Variants in MTRES1 observed in about 807,000 individuals in gnomAD.
MTRES1 encodes the protein uncharacterized protein C6orf203.
In MTRES1, 11 loss-of-function variants were observed where a neutral mutation model predicts 17.4. That is an observed-to-expected ratio of 0.63 (90% confidence interval 0.40 to 1.05). The LOEUF (loss-of-function observed/expected upper bound fraction) is 1.05, where lower values mean the gene tolerates loss of function less well. MTRES1 is among the 50% of genes least tolerant of loss of function. MTRES1 has a pLI of 0.00. For missense variants in MTRES1, 268 were observed against 276.2 expected (o/e 0.97, Z 0.21); for synonymous variants, 94 against 99.6 (o/e 0.94, Z 0.34).
At chr6:107,033,746 A>C (rs973176248) in intron 1 of MTRES1, among the ~76,000 whole-genome samples, 6 of 152,122 alleles carry the variant, frequency 3.9e-5, no homozygotes, top group African/African-American at 1.4e-4. Flanking sequence ...GGAACCTGGG[A>C]GGCAGAGCTT....
intron 3 of MTRES1, among the ~76,000 whole-genome samples, chr6:107,047,154 A>G (rs1774421737): frequency 6.6e-6 from 1 of 152,116 alleles, no homozygotes; most frequent in African/African-American, 2.4e-5. Flanking sequence ...AGAGGCAGAC[A>G]TCATGCACAG....
At chr6:107,047,245 C>T (rs1774425333) in intron 3 of MTRES1, among the ~76,000 whole-genome samples, 5 of 151,546 alleles carry the variant, frequency 3.3e-5, no homozygotes, top group African/African-American at 1.2e-4. Flanking sequence ...ATTTTGGAGA[C>T]AGTGTCTTGC....
In MTRES1 at chr6:107,040,203, T is replaced by C; in HGVS notation, c.443T>C (p.Leu148Pro). The C allele has an allele frequency of 6.2e-7, 1 of 1,602,562 alleles. No homozygotes were observed. Among genetic ancestry groups the C allele is most frequent in the Non-Finnish European group, 8.5e-7 (1 of 1,176,990 alleles). Residue 148 changes from leucine (L) to proline (P), a missense_variant, in exon 2 of 4, where the codon CTG (leucine) becomes CCG (proline). Physicochemically the swap from Leu to Pro is moderately conservative, Grantham distance 98. Coordinates refer to ENST00000311381, the MANE Select transcript of MTRES1 (RefSeq NM_016487.5). ...AVQSFRYDVV[L>P]KTGLDIGRNK... ...CAGTCTTTTCGGTATGATGTTGTCC[T>C]GAAGACGGGGCTAGATATTGGGAGA...
chr6:107,039,950 T>C lies in MTRES1; in HGVS notation c.190T>C (p.Ser64Pro), dbSNP rs1554227434. 1 of 1,613,958 alleles carries C rather than the reference T, an allele frequency of 6.2e-7. No individual in the cohort carries two copies. The highest frequency in any genetic ancestry group is 8.5e-7 in the Non-Finnish European group (1 of 1,179,816). Residue 64 changes from serine (S) to proline (P), a missense_variant, in exon 2 of 4, where the codon TCA becomes CCA. Ser to Pro is a moderately conservative substitution (Grantham distance 74, BLOSUM62 -1). Coordinates refer to ENST00000311381, the MANE Select transcript of MTRES1 (RefSeq NM_016487.5). ...TAAAACACTTTTTTATAATATTTTC[T>C]CACTGAGACTCCCAGGGCTTTTACT... ...NYKTLFYNIF[S>P]LRLPGLLLSP...
intron 3 of MTRES1, among the ~76,000 whole-genome samples, chr6:107,048,954 T>C (rs1774494868): frequency 6.6e-6 from 1 of 151,036 alleles, no homozygotes; most frequent in Non-Finnish European, 1.5e-5. Context: ...GGAGAGGAAG[T>C]TAATGGTTTA....
At chr6:107,050,945 C>A in intron 3 of MTRES1, 112 bp from the exon 4 acceptor site, 1 of 855,304 alleles carries the variant, frequency 1.2e-6, no homozygotes, top group Non-Finnish European at 1.9e-6. Flanking sequence ...CCTTTACTCA[C>A]CTGCCCCTCC....
chr6:107,041,068 T>C (rs1274784758), intron 2 of MTRES1, among the ~76,000 whole-genome samples: 1 of 147,824 alleles, frequency 6.8e-6, no homozygotes. Flanking sequence ...CTACTAAAAA[T>C]ACAAAAAATT....
rs191631121 is a variant in MTRES1, at chr6:107,030,228, T to G, written c.-13+1957T>G. Reference sequence around the variant, plus strand: ...AGGGAGCACCAGATCCTATAGAGCCTTTAGACCATCGTAGAGACTTTGCTG... The same window carrying G: ...AGGGAGCACCAGATCCTATAGAGCCGTTAGACCATCGTAGAGACTTTGCTG... On this transcript the variant is annotated intron_variant, in intron 1 of 3. Transcript: ENST00000311381. The G allele has an allele frequency of 4.2e-6, 3 of 710,872 alleles. No homozygotes were observed. In the Admixed American group the frequency reaches 6.2e-5, roughly 15 times the overall value. 44.0% of individuals were successfully genotyped at this position (710,872 alleles called of 1,614,324 possible). A position where few individuals can be genotyped will look rare whatever the true frequency, so the allele number is the denominator to read the frequency against.
At chr6:107,043,735 A>G (rs894439737) in intron 2 of MTRES1, among the ~76,000 whole-genome samples, 1 of 152,186 alleles carries the variant, frequency 6.6e-6, no homozygotes, top group African/African-American at 2.4e-5. Context: ...GGAAATCCAC[A>G]TATAAGTGGA....
At chr6:107,039,535 G>GTCT (rs1247601124) in intron 1 of MTRES1, among the ~76,000 whole-genome samples, 1 of 152,050 alleles carries the variant, frequency 6.6e-6, no homozygotes, top group Admixed American at 6.6e-5. Context: ...GGCCAGGCTG[G>GTCT]TCTTGTACTC....
chr6:107,050,381 A>G (rs1774551909), intron 3 of MTRES1, among the ~76,000 whole-genome samples: 1 of 152,080 alleles, frequency 6.6e-6, no homozygotes, highest in Non-Finnish European at 1.5e-5. Context: ...GTCTTTTGCC[A>G]GTGTTACCAA....
chr6:107,043,907 T>C (rs924768840), intron 2 of MTRES1, among the ~76,000 whole-genome samples: 1 of 152,204 alleles, frequency 6.6e-6, no homozygotes, highest in African/African-American at 2.4e-5. Flanking sequence ...GGCGGGCGGA[T>C]CACGAGGTCA....
chr6:107,037,490 G>A (rs1350216403), intron 1 of MTRES1, among the ~76,000 whole-genome samples: 2 of 152,166 alleles, frequency 1.3e-5, no homozygotes, highest in South Asian at 4.1e-4. Flanking sequence ...GATTACAGGC[G>A]TGAGCCTGTA....
chr6:107,033,271 C>T (rs1554226629), intron 1 of MTRES1, among the ~76,000 whole-genome samples: 1 of 151,870 alleles, frequency 6.6e-6, no homozygotes, highest in Non-Finnish European at 1.5e-5. Context: ...TTGGTGCAAC[C>T]AGAGTATGGA....
Position 107,039,611 on chromosome 6 carries a change from C to T in MTRES1, c.-12-138C>T, listed in dbSNP as rs376222013. On this transcript the variant is annotated intron_variant, in intron 1 of 3. Coordinates refer to ENST00000311381, the MANE Select transcript of MTRES1 (RefSeq NM_016487.5). ...CTGAGATTACAGGCGTGAACCACTG[C>T]GCCAGGCCCAATAGGACTTTTTAGG... is the stretch of plus-strand genomic sequence containing the variant. 326 of 889,486 alleles carry T rather than the reference C, an allele frequency of 3.7e-4. 1 individual carries two copies. The highest frequency in any genetic ancestry group is 3.7e-3 in the South Asian group (185 of 50,650). The allele number at this position is 889,486 out of a possible 1,614,324, so 55.1% of individuals were successfully genotyped here.
chr6:107,030,082 G>A (rs968958713), intron 1 of MTRES1: 6 of 717,846 alleles, frequency 8.4e-6, no homozygotes, highest in Non-Finnish European at 1.0e-5. Flanking sequence ...TGAATTCCTA[G>A]TGCCCAGATT....
chr6:107,051,114 G>T lies in MTRES1; in HGVS notation c.601G>T (p.Glu201Ter), dbSNP rs782728814. The change falls in exon 4 of 4, where the codon GAG (glutamate) becomes TAG (stop). Residue 201 changes from glutamate (E) to a stop codon, truncating the protein, a stop_gained. Transcript: ENST00000311381. LOFTEE classifies it high-confidence loss of function. ...TGGAGAGGATAAAGAAGCAGGAACA[G>T]AGACAGTTATGCGGATTCTCTTGAA... ...LIGEDKEAGT[E>*]TVMRILLKKV... 10 of 1,613,972 alleles carry T rather than the reference G, an allele frequency of 6.2e-6. No individual in the cohort carries two copies. The Admixed American group carries it at 1.7e-4, about 27-fold the overall frequency.
At chr6:107,049,208 A>G (rs572846169) in intron 3 of MTRES1, among the ~76,000 whole-genome samples, 1 of 152,220 alleles carries the variant, frequency 6.6e-6, no homozygotes, top group Non-Finnish European at 1.5e-5. Flanking sequence ...TCAGCATTTG[A>G]CACCATACTT....
intron 3 of MTRES1, 80 bp from the exon 4 acceptor site, chr6:107,050,977 G>A: frequency 8.4e-7 from 1 of 1,193,198 alleles, no homozygotes; most frequent in Non-Finnish European, 1.2e-6. Context: ...ATCATGTGGT[G>A]AAAACTCAGA....
Sources: allele counts gnomAD v4.1 joint callset (sites outside exome capture counted in the v4.1 genomes callset), GRCh38; gene constraint gnomAD v4.1.1; transcripts MANE v1.5; gene names NCBI Gene and HGNC (gene_info 2026-07-23, HGNC 2026-07-21).